The following DISC1 variants were observed in gnomAD, a reference collection of about 807,000 sequenced individuals.
DISC1 encodes the protein disrupted in schizophrenia 1 protein.
Under a neutral mutation model 84.5 loss-of-function variants are expected in DISC1, and 57 were observed. That is an observed-to-expected ratio of 0.67 (90% CI 0.55 to 0.84). The LOEUF is 0.84. Ranked by LOEUF, DISC1 falls within the 40% of genes least tolerant of loss-of-function variation. The pLI is 0.00. For synonymous variants in DISC1, 411 were observed against 415.2 expected, an observed-to-expected ratio of 0.99 and a Z score of 0.12; for missense variants, 1,000 against 1,057.8, an observed-to-expected ratio of 0.95 and a Z score of 0.76.
chr1:231,817,329 C>T (rs1007491204), intron 8 of DISC1, among the ~76,000 whole-genome samples: 1 of 152,324 alleles, frequency 6.6e-6, no homozygotes, highest in East Asian at 1.9e-4. Context: ...AAGGGACCCA[C>T]CACCTCGGCC....
At chr1:231,884,674 A>T (rs1350034537) in intron 9 of DISC1, among the ~76,000 whole-genome samples, 1 of 151,864 alleles carries the variant, frequency 6.6e-6, no homozygotes, top group Non-Finnish European at 1.5e-5. Flanking sequence ...GGATTGAAAA[A>T]CCACCCATTG....
chr1:231,971,894 A>T (rs1662009342), intron 10 of DISC1, among the ~76,000 whole-genome samples: 1 of 152,236 alleles, frequency 6.6e-6, no homozygotes, highest in African/African-American at 2.4e-5. Flanking sequence ...TAGAAATCAT[A>T]CAATGATTTA....
At chr1:231,905,430 G>T (rs962974372) in intron 9 of DISC1, among the ~76,000 whole-genome samples, 2 of 151,868 alleles carry the variant, frequency 1.3e-5, no homozygotes, top group South Asian at 4.1e-4. Context: ...ACCAGCCTGG[G>T]CAAGATAGTG....
intron 9 of DISC1, among the ~76,000 whole-genome samples, chr1:231,834,479 A>G (rs915611912): frequency 4.6e-5 from 7 of 152,178 alleles, no homozygotes; most frequent in African/African-American, 1.4e-4. Context: ...CCGTTTGCCC[A>G]TTTTATGACA....
intron 3 of DISC1, among the ~76,000 whole-genome samples, chr1:231,712,966 G>T (rs2068070499): frequency 6.6e-6 from 1 of 152,142 alleles, no homozygotes; most frequent in Non-Finnish European, 1.5e-5. Flanking sequence ...GCATATACTT[G>T]GGGCAAGATG....
chr1:231,914,962 A>G (rs1455623953), intron 9 of DISC1, among the ~76,000 whole-genome samples: 1 of 152,216 alleles, frequency 6.6e-6, no homozygotes, highest in East Asian at 1.9e-4. Flanking sequence ...AGAATGAAAT[A>G]GGTGAGGCAA....
intron 1 of DISC1, among the ~76,000 whole-genome samples, chr1:231,667,732 C>T (rs1035974254): frequency 2.0e-5 from 3 of 152,178 alleles, no homozygotes; most frequent in African/African-American, 7.2e-5. Flanking sequence ...ATAGTTACTA[C>T]TTTGAACAGA....
intron 9 of DISC1, among the ~76,000 whole-genome samples, chr1:231,828,754 G>T (rs1405835887): frequency 2.0e-5 from 3 of 152,070 alleles, no homozygotes; most frequent in Non-Finnish European, 4.4e-5. Flanking sequence ...TGAGAAAGAG[G>T]ATGCAATTTT....
chr1:231,647,666 C>T (rs537233927), intron 1 of DISC1, among the ~76,000 whole-genome samples: 7 of 152,248 alleles, frequency 4.6e-5, no homozygotes, highest in South Asian at 2.1e-4. Flanking sequence ...GCCATTTTCA[C>T]GATATTGATT....
intron 11 of DISC1, among the ~76,000 whole-genome samples, chr1:232,018,790 C>A (rs960704427): frequency 7.2e-5 from 11 of 152,132 alleles, no homozygotes; most frequent in Admixed American, 5.9e-4. Context: ...CAATAAAAGC[C>A]ATGTGTGTAC....
At chr1:231,859,216 T>TCTAG (rs1407054510) in intron 9 of DISC1, among the ~76,000 whole-genome samples, 2 of 152,250 alleles carry the variant, frequency 1.3e-5, no homozygotes. Context: ...TCATTGATGA[T>TCTAG]CTAGGTCTGT....
rs1327091124 is a variant in DISC1 at position 231,954,584 on chromosome 1, G to A, written c.1982-4244G>A. ...TGTTTGTTTCGTAGCATTTCATTTTGTATTCAGCATTTCTTTGAGCGCCCT... is the reference window on the plus strand; with the variant it reads ...TGTTTGTTTCGTAGCATTTCATTTTATATTCAGCATTTCTTTGAGCGCCCT... On this transcript the variant is annotated intron_variant, in intron 9 of 12. Coordinates refer to ENST00000439617, the MANE Select transcript of DISC1 (RefSeq NM_018662.3). This position sits in a 1 kb window ranked among gnomAD's most constrained non-coding sequence, Gnocchi z 4.8. Among the ~76,000 whole-genome samples, 1 of 152,124 alleles carries A rather than the reference G, an allele frequency of 6.6e-6. No individual in the cohort carries two copies. The highest frequency in any genetic ancestry group is 6.5e-5 in the Admixed American group (1 of 15,268).
intron 10 of DISC1, among the ~76,000 whole-genome samples, chr1:231,991,264 C>A (rs1245720896): frequency 2.0e-5 from 3 of 152,246 alleles, no homozygotes; most frequent in Non-Finnish European, 2.9e-5. Flanking sequence ...CTTCGGGAAG[C>A]CGTATGTTCT....
chr1:231,805,380 G>A (rs1042102685), intron 8 of DISC1, among the ~76,000 whole-genome samples: 1 of 152,154 alleles, frequency 6.6e-6, no homozygotes, highest in Non-Finnish European at 1.5e-5. Context: ...AAATTGTACA[G>A]GAAGCATGGC....
chr1:231,804,924 A>G (rs1394485938), intron 8 of DISC1, among the ~76,000 whole-genome samples: 1 of 152,164 alleles, frequency 6.6e-6, no homozygotes, highest in Non-Finnish European at 1.5e-5. Flanking sequence ...TTGTACACAG[A>G]GGGATGGATG....
intron 9 of DISC1, among the ~76,000 whole-genome samples, chr1:231,912,740 CTCTTCTT>C (rs1269862826): frequency 0.04 from 5,854 of 147,662 alleles, 219 homozygotes; most frequent in East Asian, 0.16. Context: ...CTGCAGCTTG[CTCTTCTT>C]TCTTTCTTTC....
At chr1:231,659,363 TTCTC>T (rs1489380432) in intron 1 of DISC1, among the ~76,000 whole-genome samples, 1 of 152,206 alleles carries the variant, frequency 6.6e-6, no homozygotes, top group Non-Finnish European at 1.5e-5. Flanking sequence ...TATTTGATTC[TTCTC>T]TCTTTTCCTC....
chr1:231,911,537 C>T (rs989871421), intron 9 of DISC1, among the ~76,000 whole-genome samples: 5 of 152,130 alleles, frequency 3.3e-5, no homozygotes, highest in East Asian at 1.9e-4. Flanking sequence ...TTCTGTCGAA[C>T]GATCCACTGT....
intron 9 of DISC1, among the ~76,000 whole-genome samples, chr1:231,918,710 T>C (rs1468473443): frequency 1.3e-5 from 2 of 152,186 alleles, no homozygotes; most frequent in Admixed American, 1.3e-4. Context: ...TCAGTATTTT[T>C]AGTGACTCTT....
Sources: gnomAD v4.1 joint callset for allele counts (sites outside exome capture counted in the v4.1 genomes callset) on GRCh38, gnomAD v4.1.1 for gene constraint, Gnocchi (gnomAD v3.1) non-coding constraint, MANE v1.5 for transcripts, NCBI Gene and HGNC (gene_info 2026-07-23, HGNC 2026-07-21) for gene names.